SLC25A21: variants seen among roughly 807,000 people sequenced by gnomAD.
SLC25A21 encodes solute carrier family 25 member 21, also known as mitochondrial 2-oxodicarboxylate carrier.
SLC25A21 carries 47 observed loss-of-function variants against 43.8 expected under a neutral mutation model. The observed-to-expected ratio is 1.07, with a 90% confidence interval of 0.85 to 1.37. SLC25A21 has a LOEUF of 1.37. SLC25A21 is among the 40% of genes most tolerant of loss of function. The pLI is 0.00. For missense variants in SLC25A21, 352 were observed against 350.2 expected (o/e 1.00, Z -0.04); for synonymous variants, 131 against 121.3 (o/e 1.08, Z -0.52).
intron 1 of SLC25A21, among the ~76,000 whole-genome samples, chr14:36,953,154 T>G (rs891967626): frequency 5.9e-5 from 9 of 152,250 alleles, no homozygotes; most frequent in African/African-American, 1.7e-4. Context: ...AGATGTACTA[T>G]AAGCTATTAC....
At chr14:37,129,161 T>C (rs1009768961) in intron 1 of SLC25A21, among the ~76,000 whole-genome samples, 9 of 152,126 alleles carry the variant, frequency 5.9e-5, no homozygotes, top group Non-Finnish European at 5.9e-5. Context: ...ACGAGAACTA[T>C]CACTTCCGTT....
intron 1 of SLC25A21, among the ~76,000 whole-genome samples, chr14:37,135,540 A>G (rs1322067869): frequency 6.6e-6 from 1 of 152,196 alleles, no homozygotes; most frequent in African/African-American, 2.4e-5. Context: ...AAAACTAAAA[A>G]TTCTATGTCT....
intron 1 of SLC25A21, among the ~76,000 whole-genome samples, chr14:36,884,779 T>C (rs1890865789): frequency 6.6e-6 from 1 of 152,226 alleles, no homozygotes; most frequent in Non-Finnish European, 1.5e-5. Flanking sequence ...ATGTCTTTTT[T>C]TGAGAAATAT....
chr14:37,119,741 C>A (rs144530603), intron 1 of SLC25A21, among the ~76,000 whole-genome samples: 2 of 152,160 alleles, frequency 1.3e-5, no homozygotes, highest in East Asian at 1.9e-4. Flanking sequence ...GTCCAAGAAC[C>A]GTCTCTTGGG....
chr14:37,020,130 T>C (rs557052506), intron 1 of SLC25A21, among the ~76,000 whole-genome samples: 1 of 152,014 alleles, frequency 6.6e-6, no homozygotes, highest in African/African-American at 2.4e-5. Flanking sequence ...CAGCTAATTT[T>C]CCAAAGAAAC....
chr14:36,776,238 C>CTTTTTTTTTTTTTTTTTTT (rs35856297), intron 3 of SLC25A21, among the ~76,000 whole-genome samples: 5 of 89,900 alleles, frequency 5.6e-5, no homozygotes, highest in Non-Finnish European at 5.8e-5. Context: ...TTCTTTCTTT[C>CTTTTTTTTTTTTTTTTTTT]TTTTTTTTTT....
intron 1 of SLC25A21, among the ~76,000 whole-genome samples, chr14:36,993,692 C>T (rs1477688252): frequency 1.3e-5 from 2 of 152,146 alleles, no homozygotes; most frequent in African/African-American, 4.8e-5. Context: ...ATCTTATCAT[C>T]ATTCTCATCA....
chr14:37,144,840 C>T (rs1963632897), intron 1 of SLC25A21, among the ~76,000 whole-genome samples: 1 of 151,636 alleles, frequency 6.6e-6, no homozygotes, highest in Non-Finnish European at 1.5e-5. Context: ...ACCATATTGC[C>T]CATGCTGGTC....
intron 1 of SLC25A21, among the ~76,000 whole-genome samples, chr14:37,170,649 A>C (rs1964107435): frequency 6.6e-6 from 1 of 151,974 alleles, no homozygotes; most frequent in Non-Finnish European, 1.5e-5. Context: ...AATTATAATA[A>C]CGGGTGGTGG....
chr14:36,678,214 C>T lies in SLC25A21; in HGVS notation c.*2444G>A. On this transcript the variant is annotated 3_prime_UTR_variant, in exon 10 of 10. Coordinates refer to ENST00000331299, the MANE Select transcript of SLC25A21 (RefSeq NM_030631.4). ...GTGGCTTCGTTTAAAACTCAGATGG[C>T]TAGATTAGTTAGGTTTTCAAATCAC... is the stretch of plus-strand genomic sequence containing the variant. The T allele has an allele frequency of 2.0e-6, 1 of 500,478 alleles. No individual in the cohort carries two copies. Among genetic ancestry groups the T allele is most frequent in the Admixed American group, 3.2e-5 (1 of 30,778 alleles). The allele number at this position is 500,478 out of a possible 1,614,324, so 31.0% of individuals were successfully genotyped here. A position where few individuals can be genotyped will look rare whatever the true frequency, so the allele number is the denominator to read the frequency against.
At chr14:37,096,885 T>C (rs545065209) in intron 1 of SLC25A21, among the ~76,000 whole-genome samples, 1 of 152,266 alleles carries the variant, frequency 6.6e-6, no homozygotes, top group South Asian at 2.1e-4. Flanking sequence ...ATTTAGTCTG[T>C]CTAGTGAAGT....
chr14:36,889,773 G>A (rs1891027308), intron 1 of SLC25A21, among the ~76,000 whole-genome samples: 1 of 152,072 alleles, frequency 6.6e-6, no homozygotes, highest in South Asian at 2.1e-4. Context: ...TTCCAGGTGT[G>A]AGCCACAACA....
rs546767764 is a variant in SLC25A21, at chr14:37,039,921, G to A, written c.70+132360C>T. 1.2e-4 allele frequency among the ~76,000 whole-genome samples: 19 copies of A among 152,184 alleles called. No homozygotes were observed. In the East Asian group the frequency reaches 1.6e-3, roughly 12 times the overall value. ...TGAAAGTAGTTACAGGGGGCTGGGC[G>A]CTGTGGCTCACGCCTGTAATCCCAA... On this transcript the variant is annotated intron_variant, in intron 1 of 9. Transcript: ENST00000331299.
At chr14:36,826,785 G>A in intron 2 of SLC25A21, among the ~76,000 whole-genome samples, 1 of 152,168 alleles carries the variant, frequency 6.6e-6, no homozygotes. Context: ...CTGTCCTGGG[G>A]GGAGGAGGAG....
chr14:36,799,474 G>A (rs111821472), intron 3 of SLC25A21, among the ~76,000 whole-genome samples: 4,747 of 152,028 alleles, frequency 0.031, 123 homozygotes, highest in Middle Eastern at 0.065. Flanking sequence ...GTAGTGCCCC[G>A]GCATCCTGAA....
chr14:37,038,514 A>G (rs1331706493), intron 1 of SLC25A21, among the ~76,000 whole-genome samples: 7 of 152,198 alleles, frequency 4.6e-5, no homozygotes, highest in Non-Finnish European at 1.0e-4. Flanking sequence ...GAATACATTC[A>G]GTCTTTTAAG....
At chr14:37,098,690 AG>A (rs1419061593) in intron 1 of SLC25A21, 1 of 151,330 alleles carries the variant, frequency 6.6e-6, no homozygotes, top group African/African-American at 2.4e-5. Flanking sequence ...TTCTCCTTAT[AG>A]GACGATTAGA....
intron 1 of SLC25A21, among the ~76,000 whole-genome samples, chr14:36,980,988 A>G (rs1258912040): frequency 6.6e-6 from 1 of 152,174 alleles, no homozygotes; most frequent in African/African-American, 2.4e-5. Context: ...TTAAGTTTAC[A>G]AGAAAAAATC....
intron 1 of SLC25A21, among the ~76,000 whole-genome samples, chr14:36,973,141 T>C (rs1159646476): frequency 6.6e-6 from 1 of 151,826 alleles, no homozygotes; most frequent in Non-Finnish European, 1.5e-5. Context: ...CAGTAGGCAG[T>C]AGAGAGGCAC....
Sources: gnomAD v4.1 joint callset for allele counts (sites outside exome capture counted in the v4.1 genomes callset) on GRCh38, gnomAD v4.1.1 for gene constraint, MANE v1.5 for transcripts, NCBI Gene and HGNC (gene_info 2026-07-23, HGNC 2026-07-21) for gene names.